The following ENOX1 variants were observed in gnomAD, a reference collection of about 807,000 sequenced individuals.
ENOX1 encodes candidate growth-related and time keeping constitutive hydroquinone (NADH) oxidase.
Under a neutral mutation model 82.5 loss-of-function variants are expected in ENOX1, and 42 were observed. That is an observed-to-expected ratio of 0.51 (90% CI 0.40 to 0.66). The LOEUF is 0.66. ENOX1 is among the 30% of genes least tolerant of loss of function. The pLI, the probability that ENOX1 is intolerant of heterozygous loss-of-function variation, is 0.00. For synonymous variants in ENOX1, 271 were observed against 282.2 expected (o/e 0.96, Z 0.40); for missense variants, 608 against 811.6 (o/e 0.75, Z 3.05).
intron 3 of ENOX1, among the ~76,000 whole-genome samples, chr13:43,452,238 A>C (rs1273587505): frequency 6.6e-6 from 1 of 152,032 alleles, no homozygotes; most frequent in South Asian, 2.1e-4. Context: ...CATCATCTAC[A>C]TTAGGTATTT....
chr13:43,563,067 A>G (rs1044991889), intron 2 of ENOX1, among the ~76,000 whole-genome samples: 57 of 152,290 alleles, frequency 3.7e-4, no homozygotes, highest in African/African-American at 1.3e-3. Flanking sequence ...CGTTTTGTCC[A>G]ATGGCTGCAA....
intron 1 of ENOX1, among the ~76,000 whole-genome samples, chr13:43,677,013 C>T (rs1190550627): frequency 6.6e-6 from 1 of 151,820 alleles, no homozygotes; most frequent in African/African-American, 2.4e-5. Flanking sequence ...CTGAAACTGC[C>T]CACCGAGTCT....
At chr13:43,317,373 G>A (rs1317198499) in intron 11 of ENOX1, among the ~76,000 whole-genome samples, 1 of 152,082 alleles carries the variant, frequency 6.6e-6, no homozygotes, top group African/African-American at 2.4e-5. Context: ...GCTGGTGATG[G>A]GGTAACAGTG....
intron 3 of ENOX1, among the ~76,000 whole-genome samples, chr13:43,442,752 G>C (rs548627505): frequency 6.6e-6 from 1 of 152,100 alleles, no homozygotes; most frequent in Non-Finnish European, 1.5e-5. Flanking sequence ...AGTTCTTCTT[G>C]CAAATCAAGG....
At chr13:43,436,252 G>A (rs1441777999) in intron 3 of ENOX1, among the ~76,000 whole-genome samples, 1 of 152,084 alleles carries the variant, frequency 6.6e-6, no homozygotes, top group African/African-American at 2.4e-5. Context: ...AAACTAAAGT[G>A]GGCTTCTTTA....
chr13:43,272,979 C>T (rs1283448510), intron 12 of ENOX1, among the ~76,000 whole-genome samples: 1 of 152,220 alleles, frequency 6.6e-6, no homozygotes, highest in Non-Finnish European at 1.5e-5. Context: ...TTTCTTCTCA[C>T]TACACGCTCT....
chr13:43,686,191 C>T (rs539662449), intron 1 of ENOX1, among the ~76,000 whole-genome samples: 1 of 152,098 alleles, frequency 6.6e-6, no homozygotes. Flanking sequence ...CTCATTTAAT[C>T]CTCATGATAA....
At chr13:43,505,947 T>C (rs2077143609) in intron 2 of ENOX1, among the ~76,000 whole-genome samples, 1 of 152,036 alleles carries the variant, frequency 6.6e-6, no homozygotes, top group Non-Finnish European at 1.5e-5. Context: ...AAGGAAGGGA[T>C]CCAGTTTCAG....
intron 3 of ENOX1, among the ~76,000 whole-genome samples, chr13:43,429,191 T>A (rs1442380846): frequency 6.6e-6 from 1 of 152,104 alleles, no homozygotes. Context: ...ATCTCACGAG[T>A]CATTGGAGAG....
At chr13:43,335,278 T>C (rs1207846997) in intron 9 of ENOX1, among the ~76,000 whole-genome samples, 1 of 152,244 alleles carries the variant, frequency 6.6e-6, no homozygotes, top group East Asian at 1.9e-4. Flanking sequence ...CAATTTTCTT[T>C]GGTTGGAAAA....
intron 5 of ENOX1, among the ~76,000 whole-genome samples, chr13:43,406,492 CTTTTTT>C (rs58818536): frequency 8.8e-6 from 1 of 114,048 alleles, no homozygotes; most frequent in Admixed American, 8.7e-5. Context: ...AGTATGTTGT[CTTTTTT>C]TTTTTTTTTT....
chr13:43,781,907 C>T (rs1566921382), intron 1 of ENOX1, among the ~76,000 whole-genome samples: 1 of 152,176 alleles, frequency 6.6e-6, no homozygotes, highest in Non-Finnish European at 1.5e-5. Context: ...GCCTTCCTGG[C>T]TATCCTGGAG....
At chr13:43,262,092 GTATT>G (rs1010745036) in intron 14 of ENOX1, among the ~76,000 whole-genome samples, 33 of 152,208 alleles carry the variant, frequency 2.2e-4, no homozygotes, top group African/African-American at 7.2e-4. Flanking sequence ...CAAGATGATA[GTATT>G]TATTTATTCA....
chr13:43,253,858 T>C (rs906138467), intron 14 of ENOX1, among the ~76,000 whole-genome samples: 2 of 152,192 alleles, frequency 1.3e-5, no homozygotes, highest in African/African-American at 4.8e-5. Flanking sequence ...TACTGAATGT[T>C]CCTCCTGTTC....
At chr13:43,614,757 GC>G (rs1305663158) in intron 2 of ENOX1, among the ~76,000 whole-genome samples, 1 of 152,068 alleles carries the variant, frequency 6.6e-6, no homozygotes, top group African/African-American at 2.4e-5. Context: ...TCTGGGAGGA[GC>G]CCCCCATTTC....
At chr13:43,688,295 T>C (rs1385108757) in intron 1 of ENOX1, among the ~76,000 whole-genome samples, 2 of 152,136 alleles carry the variant, frequency 1.3e-5, no homozygotes, top group African/African-American at 4.8e-5. Context: ...TGAGACTAGA[T>C]GTGTAGAAAC....
In ENOX1 at chr13:43,413,509, C is replaced by A. The variant is rs891415317; in HGVS notation, c.-74-521G>T. ...CCATGCAGCTGGAAAAGGAGGGTAC[C>A]TAAATTACAATAGTCAGGAAAGGCA... On this transcript the variant is annotated intron_variant, in intron 3 of 16. Transcript: ENST00000690772. Among the ~76,000 whole-genome samples, 7 of 151,790 alleles carry A rather than the reference C, an allele frequency of 4.6e-5. No homozygotes were observed. The East Asian group carries it at 1.4e-3, about 29-fold the overall frequency.
chr13:43,256,889 T>C (rs1038300456), intron 14 of ENOX1, among the ~76,000 whole-genome samples: 1 of 152,146 alleles, frequency 6.6e-6, no homozygotes, highest in Admixed American at 6.5e-5. Context: ...ATAGTCAAAA[T>C]AAAGAATCAA....
At chr13:43,769,123 C>G (rs1227711663) in intron 1 of ENOX1, among the ~76,000 whole-genome samples, 2 of 152,186 alleles carry the variant, frequency 1.3e-5, no homozygotes, top group Admixed American at 1.3e-4. Flanking sequence ...GTTGCTTAAT[C>G]TATGTTTTGG....
Sources: gnomAD v4.1 joint callset for allele counts (sites outside exome capture counted in the v4.1 genomes callset) on GRCh38, gnomAD v4.1.1 for gene constraint, MANE v1.5 for transcripts, NCBI Gene and HGNC (gene_info 2026-07-23, HGNC 2026-07-21) for gene names.